Variants in UBAP2 observed in about 807,000 individuals in gnomAD.
UBAP2 encodes ubiquitin associated protein 2, also known as ubiquitin-associated protein 2.
A neutral mutation model predicts 139.6 loss-of-function variants in UBAP2; 75 were observed. That is an observed-to-expected ratio of 0.54 (90% CI 0.45 to 0.65). UBAP2 has a LOEUF of 0.65. Ranked by LOEUF, UBAP2 falls within the 30% of genes least tolerant of loss-of-function variation. UBAP2 has a pLI of 0.00. For synonymous variants in UBAP2, 526 were observed against 526.2 expected (o/e 1.00, Z 0.01); for missense variants, 1,368 against 1,369.6 (o/e 1.00, Z 0.02).
At chr9:34,043,049 C>G (rs1827235716) in intron 1 of UBAP2, among the ~76,000 whole-genome samples, 1 of 151,616 alleles carries the variant, frequency 6.6e-6, no homozygotes, top group Admixed American at 6.6e-5. Context: ...TCCTGGGCGA[C>G]AAAGCAAGAC....
intron 9 of UBAP2, 37 bp downstream of exon 9, chr9:33,963,689 T>A: frequency 7.9e-7 from 1 of 1,271,736 alleles, no homozygotes; most frequent in South Asian, 1.3e-5. Flanking sequence ...TTTATAAGAT[T>A]CTTAATTTTA....
At chr9:33,997,037 C>T (rs1343992433) in intron 3 of UBAP2, 1 of 151,946 alleles carries the variant, frequency 6.6e-6, no homozygotes, top group Non-Finnish European at 1.5e-5. Context: ...TGTCTCCCCC[C>T]TCAAAAAAAA....
At chr9:33,943,741 T>A (rs1825428711) in intron 14 of UBAP2, 152 bp from the exon 15 acceptor site, 2 of 724,576 alleles carry the variant, frequency 2.8e-6, no homozygotes, top group East Asian at 5.4e-5. Flanking sequence ...AAGACTTTTC[T>A]AAAAAGAGAA....
chr9:34,022,429 A>AC (rs1338661445), intron 1 of UBAP2, among the ~76,000 whole-genome samples: 19 of 105,938 alleles, frequency 1.8e-4, no homozygotes, highest in Admixed American at 3.0e-4. Flanking sequence ...ACACAGCAAG[A>AC]CCCCTTTTTT....
chr9:34,033,867 C>T (rs780976480), intron 1 of UBAP2, among the ~76,000 whole-genome samples: 1 of 151,994 alleles, frequency 6.6e-6, no homozygotes, highest in Non-Finnish European at 1.5e-5. Flanking sequence ...TCCCAAGTAG[C>T]TGGGATTACA....
chr9:33,922,958 T>A lies in UBAP2; in HGVS notation c.3072+8A>T. 1 of 1,614,150 alleles carries A rather than the reference T, an allele frequency of 6.2e-7. No individual in the cohort carries two copies. Among genetic ancestry groups the A allele is most frequent in the Non-Finnish European group, 8.5e-7 (1 of 1,180,006 alleles). Reference sequence around the variant, plus strand: ...AACCTATACACCCAACCCACCTTTGTCCCTCACCTGTGTCTTATTGTAGAC... The same window carrying A: ...AACCTATACACCCAACCCACCTTTGACCCTCACCTGTGTCTTATTGTAGAC... On this transcript the variant is annotated splice_region_variant and intron_variant, in intron 27 of 28. Transcript: ENST00000379238.
chr9:33,939,978 T>C (rs1429944451), intron 16 of UBAP2, among the ~76,000 whole-genome samples: 1 of 73,940 alleles, frequency 1.4e-5, no homozygotes, highest in African/African-American at 5.7e-5. Flanking sequence ...AAAAATAAGG[T>C]AGGAGGGAGG....
intron 2 of UBAP2, among the ~76,000 whole-genome samples, chr9:34,012,504 C>T (rs10971848): frequency 0.082 from 11,832 of 143,500 alleles, 674 homozygotes; most frequent in Non-Finnish European, 0.12. Flanking sequence ...GCACTACAGC[C>T]TGGGCATCAA....
chr9:33,934,647 C>A (rs1382443608), intron 17 of UBAP2, among the ~76,000 whole-genome samples: 1 of 152,116 alleles, frequency 6.6e-6, no homozygotes, highest in African/African-American at 2.4e-5. Flanking sequence ...ATGCTAACAG[C>A]TTCACAGGAA....
At chr9:34,021,269 T>C (rs12377970) in intron 1 of UBAP2, among the ~76,000 whole-genome samples, 12,050 of 152,278 alleles carry the variant, frequency 0.079, 686 homozygotes, top group Non-Finnish European at 0.12. Context: ...ACTGGCTTGC[T>C]AAAGGCCACA....
rs565537379 is a variant in UBAP2, at chr9:33,922,405, G to A, written c.*99C>T. ...CACAGAGGCATGGCTGACACATGTCGGGAATTCTAGGAAAGGGCACTGGGC... is the reference window on the plus strand; with the variant it reads ...CACAGAGGCATGGCTGACACATGTCAGGAATTCTAGGAAAGGGCACTGGGC... On this transcript the variant is annotated 3_prime_UTR_variant, in exon 29 of 29. Transcript: ENST00000379238. 81 of 1,201,374 alleles carry A rather than the reference G, an allele frequency of 6.7e-5. No homozygotes were observed. The highest frequency in any genetic ancestry group is 8.0e-5 in the Non-Finnish European group (66 of 827,992). The allele number at this position is 1,201,374 out of a possible 1,614,324, so 74.4% of individuals were successfully genotyped here.
intron 2 of UBAP2, among the ~76,000 whole-genome samples, chr9:34,009,953 A>T (rs1190132287): frequency 6.6e-6 from 1 of 151,002 alleles, no homozygotes; most frequent in African/African-American, 2.4e-5. Flanking sequence ...GATTACAGGC[A>T]TGTGCCACCA....
intron 1 of UBAP2, among the ~76,000 whole-genome samples, chr9:34,030,312 G>A (rs1228869581): frequency 6.6e-6 from 1 of 151,736 alleles, no homozygotes; most frequent in East Asian, 2.0e-4. Flanking sequence ...AGCCAGGCGT[G>A]GTGGCGGGCA....
intron 10 of UBAP2, among the ~76,000 whole-genome samples, chr9:33,957,671 G>A (rs10971822): frequency 0.14 from 21,274 of 152,042 alleles, 1,674 homozygotes; most frequent in South Asian, 0.33. Context: ...GTGGGGACTC[G>A]GCTTTGAAAG....
chr9:34,039,022 A>C (rs149603696), intron 1 of UBAP2, among the ~76,000 whole-genome samples: 3 of 141,650 alleles, frequency 2.1e-5, no homozygotes, highest in African/African-American at 8.1e-5. Flanking sequence ...CCGTCTGAGA[A>C]GTGAGGAGCC....
At chr9:33,982,126 G>T (rs1426564276) in intron 6 of UBAP2, among the ~76,000 whole-genome samples, 1 of 151,910 alleles carries the variant, frequency 6.6e-6, no homozygotes, top group Non-Finnish European at 1.5e-5. Flanking sequence ...TAAGCTTCAG[G>T]AAAGTCCTAA....
intron 1 of UBAP2, among the ~76,000 whole-genome samples, chr9:34,033,708 G>C (rs1281737830): frequency 6.6e-6 from 1 of 151,138 alleles, no homozygotes; most frequent in East Asian, 1.9e-4. Context: ...CTCCCAAGCA[G>C]CTGCGACTAC....
intron 4 of UBAP2, among the ~76,000 whole-genome samples, chr9:33,991,712 A>G (rs755764279): frequency 6.6e-6 from 1 of 152,074 alleles, no homozygotes; most frequent in Non-Finnish European, 1.5e-5. Flanking sequence ...AACAAACTCA[A>G]TTTATTATGT....
intron 13 of UBAP2, among the ~76,000 whole-genome samples, chr9:33,947,788 G>A (rs1194211042): frequency 6.6e-6 from 1 of 150,914 alleles, no homozygotes; most frequent in Non-Finnish European, 1.5e-5. Flanking sequence ...CTGTGCCACT[G>A]TACTCCAGCC....
Sources: allele counts gnomAD v4.1 joint callset (sites outside exome capture counted in the v4.1 genomes callset), GRCh38; gene constraint gnomAD v4.1.1; transcripts MANE v1.5; gene names NCBI Gene and HGNC (gene_info 2026-07-23, HGNC 2026-07-21).